SAXO1: variants seen among roughly 807,000 people sequenced by gnomAD.
The protein encoded by SAXO1 is 4930500O09Rik.
A neutral mutation model predicts 17.5 loss-of-function variants in SAXO1; 21 were observed. That is an observed-to-expected ratio of 1.20 (90% confidence interval 0.85 to 1.72). The LOEUF (loss-of-function observed/expected upper bound fraction) is 1.72. Ranked by LOEUF, SAXO1 falls within the 40% of genes most tolerant of loss-of-function variation. The probability of loss-of-function intolerance (pLI) is 0.00; values close to 1 mark genes in which losing one functional copy is unlikely to be tolerated. For synonymous variants in SAXO1, 274 were observed against 216.5 expected, an observed-to-expected ratio of 1.27 and a Z score of -2.33; for missense variants, 843 against 596.0, an observed-to-expected ratio of 1.41 and a Z score of -4.32.
intron 1 of SAXO1, among the ~76,000 whole-genome samples, chr9:19,047,684 C>T (rs1439776916): frequency 6.6e-6 from 1 of 152,158 alleles, no homozygotes; most frequent in East Asian, 1.9e-4. Flanking sequence ...GACGATGGAG[C>T]AACAGAGCAA....
At chr9:19,004,069 C>A (rs1188883220) in intron 1 of SAXO1, among the ~76,000 whole-genome samples, 2 of 152,108 alleles carry the variant, frequency 1.3e-5, no homozygotes, top group East Asian at 3.8e-4. Context: ...AAAAAGCAGG[C>A]AAAGGCTATG....
At chr9:18,954,885 C>G (rs1310417708) in intron 1 of SAXO1, among the ~76,000 whole-genome samples, 1 of 148,122 alleles carries the variant, frequency 6.8e-6, no homozygotes. Context: ...AACAACTGCA[C>G]TGGTACACTG....
At chr9:19,040,327 T>C (rs1340712483) in intron 1 of SAXO1, among the ~76,000 whole-genome samples, 1 of 152,194 alleles carries the variant, frequency 6.6e-6, no homozygotes, top group Non-Finnish European at 1.5e-5. Context: ...ACGACTCATT[T>C]AGCATGGGTG....
intron 1 of SAXO1, among the ~76,000 whole-genome samples, chr9:18,974,202 T>C (rs1028776041): frequency 3.3e-5 from 5 of 152,238 alleles, no homozygotes; most frequent in African/African-American, 1.2e-4. Context: ...GCCAGGTTCT[T>C]ATCCTCAAAA....
At chr9:18,969,323 C>G (rs1490921482) in intron 1 of SAXO1, among the ~76,000 whole-genome samples, 1 of 151,990 alleles carries the variant, frequency 6.6e-6, no homozygotes, top group East Asian at 1.9e-4. Flanking sequence ...GTCCTCCAGC[C>G]AAAAAACAGC....
intron 1 of SAXO1, among the ~76,000 whole-genome samples, chr9:18,999,352 C>T (rs369655087): frequency 7.7e-4 from 115 of 149,346 alleles, no homozygotes; most frequent in African/African-American, 2.6e-3. Context: ...TGGCAAGTGA[C>T]GAGTGCCTCT....
intron 1 of SAXO1, among the ~76,000 whole-genome samples, chr9:19,021,936 C>T (rs1204639632): frequency 6.6e-6 from 1 of 152,222 alleles, no homozygotes; most frequent in Non-Finnish European, 1.5e-5. Flanking sequence ...GAAATAAAAG[C>T]TGGCCACCCA....
chr9:19,023,525 C>T (rs576946794), intron 1 of SAXO1, among the ~76,000 whole-genome samples: 2 of 152,168 alleles, frequency 1.3e-5, no homozygotes, highest in African/African-American at 4.8e-5. Context: ...AGTTAGGGAG[C>T]AGAAAGGCTG....
chr9:18,932,349 G>A (rs1356649809), intron 3 of SAXO1, among the ~76,000 whole-genome samples: 1 of 152,110 alleles, frequency 6.6e-6, no homozygotes, highest in Non-Finnish European at 1.5e-5. Context: ...AGACATAAAG[G>A]CTTATTTCTG....
chr9:19,027,512 T>G, intron 1 of SAXO1: 1 of 896,036 alleles, frequency 1.1e-6, no homozygotes, highest in Non-Finnish European at 1.9e-6. Context: ...AAAGGGGTGC[T>G]GGCCCCCAGG....
At chr9:18,953,057 A>G (rs1380899944) in intron 1 of SAXO1, among the ~76,000 whole-genome samples, 2 of 152,212 alleles carry the variant, frequency 1.3e-5, no homozygotes, top group East Asian at 3.8e-4. Flanking sequence ...TGAGATTTCA[A>G]TTTAAGCCAA....
At chr9:18,996,963 T>C (rs1006465646) in intron 1 of SAXO1, among the ~76,000 whole-genome samples, 2 of 151,006 alleles carry the variant, frequency 1.3e-5, no homozygotes, top group Non-Finnish European at 3.0e-5. Context: ...TCTAGGCAAA[T>C]TTAGGAGGCA....
chr9:18,963,335 G>C (rs1182581885), intron 1 of SAXO1, among the ~76,000 whole-genome samples: 1 of 151,658 alleles, frequency 6.6e-6, no homozygotes, highest in East Asian at 2.0e-4. Context: ...TTCTAATTCT[G>C]TGAAGAAAGT....
Position 18,950,877 on chromosome 9 carries a change from A to G in SAXO1, c.99T>C (p.Leu33=). 1.2e-6 allele frequency: 2 copies of G among 1,613,682 alleles called. No individual in the cohort carries two copies. Among genetic ancestry groups the G allele is most frequent in the Non-Finnish European group, 1.7e-6 (2 of 1,179,740 alleles). The change falls in exon 2 of 4, where the codon CTT becomes CTC. Residue 33 remains leucine (L), a synonymous_variant. Coordinates refer to ENST00000380534, the MANE Select transcript of SAXO1 (RefSeq NM_153707.4). Reference sequence around the variant, plus strand: ...GGTAGTTCTCGGTATATTCGGAGAGAAGACATGGTTTCTCTGTTTTATCAT... The same window carrying G: ...GGTAGTTCTCGGTATATTCGGAGAGGAGACATGGTTTCTCTGTTTTATCAT... ...KIYDKTEKPC[L]LSEYTENYPF... is the part of the protein sequence containing the mutation.
At chr9:18,962,433 G>A (rs998526200) in intron 1 of SAXO1, among the ~76,000 whole-genome samples, 6 of 152,172 alleles carry the variant, frequency 3.9e-5, no homozygotes, top group South Asian at 2.1e-4. Flanking sequence ...TTGTTTGGCC[G>A]CATACATGTC....
intron 1 of SAXO1, among the ~76,000 whole-genome samples, chr9:18,996,079 C>CA (rs61569381): frequency 0.8 from 111,877 of 140,008 alleles, 44,620 homozygotes; most frequent in Non-Finnish European, 0.84. Flanking sequence ...AACTACATCT[C>CA]AAAAAAAAAA....
intron 1 of SAXO1, among the ~76,000 whole-genome samples, chr9:18,980,728 A>T (rs1339748589): frequency 6.6e-6 from 1 of 151,194 alleles, no homozygotes; most frequent in Non-Finnish European, 1.5e-5. Flanking sequence ...TATAATATTA[A>T]ATAATAGCAC....
intron 1 of SAXO1, among the ~76,000 whole-genome samples, chr9:18,984,801 G>C (rs931548066): frequency 6.6e-6 from 1 of 152,130 alleles, no homozygotes; most frequent in Non-Finnish European, 1.5e-5. Context: ...GTAGCACTTT[G>C]AATTTCTTTC....
chr9:18,968,739 A>C (rs1350346891), intron 1 of SAXO1, among the ~76,000 whole-genome samples: 1 of 151,974 alleles, frequency 6.6e-6, no homozygotes, highest in Non-Finnish European at 1.5e-5. Context: ...GATTACAGGC[A>C]CACGCCACTA....
Sources: gnomAD v4.1 joint callset for allele counts (sites outside exome capture counted in the v4.1 genomes callset) on GRCh38, gnomAD v4.1.1 for gene constraint, MANE v1.5 for transcripts, NCBI Gene and HGNC (gene_info 2026-07-23, HGNC 2026-07-21) for gene names.